The following SPATA13 variants were observed in gnomAD, a reference collection of about 807,000 sequenced individuals.
The protein encoded by SPATA13 is spermatogenesis-associated protein 13.
Under a neutral mutation model 104.0 loss-of-function variants are expected in SPATA13, and 50 were observed. That is an observed-to-expected ratio of 0.48 (90% CI 0.38 to 0.61). The LOEUF (loss-of-function observed/expected upper bound fraction) is 0.61, where lower values mean the gene tolerates loss of function less well. Ranked by LOEUF, SPATA13 falls within the 20% of genes least tolerant of loss-of-function variation. The pLI, the probability that SPATA13 is intolerant of heterozygous loss-of-function variation, is 0.00. For missense variants in SPATA13, 1,524 were observed against 1,690.6 expected (o/e 0.90, Z 1.73); for synonymous variants, 606 against 667.5 (o/e 0.91, Z 1.42).
intron 3 of SPATA13, among the ~76,000 whole-genome samples, chr13:24,105,825 GGT>G (rs1880428262): frequency 6.6e-6 from 1 of 152,006 alleles, no homozygotes; most frequent in Admixed American, 6.6e-5. Context: ...CCAATCAGCT[GGT>G]GTCTCTTAAG....
chr13:24,106,392 A>G (rs1880453986), intron 3 of SPATA13, among the ~76,000 whole-genome samples: 1 of 152,178 alleles, frequency 6.6e-6, no homozygotes. Flanking sequence ...TTAGAAACCA[A>G]AAGTTATTTT....
intron 1 of SPATA13, among the ~76,000 whole-genome samples, chr13:23,980,363 G>T (rs764996882): frequency 2.5e-4 from 38 of 152,328 alleles, no homozygotes; most frequent in Non-Finnish European, 4.1e-4. Flanking sequence ...AGCCGCGGGG[G>T]AGGCCGAAAT....
At chr13:24,032,486 G>A (rs192379237) in intron 3 of SPATA13, among the ~76,000 whole-genome samples, 2 of 152,282 alleles carry the variant, frequency 1.3e-5, no homozygotes, top group South Asian at 2.1e-4. Context: ...AATCAGTTCA[G>A]CTCTGTCTCT....
chr13:24,070,073 A>G (rs955247047), intron 3 of SPATA13, among the ~76,000 whole-genome samples: 1 of 152,224 alleles, frequency 6.6e-6, no homozygotes, highest in African/African-American at 2.4e-5. Flanking sequence ...AGCTCCAAGA[A>G]CATAGTTTAG....
intron 3 of SPATA13, among the ~76,000 whole-genome samples, chr13:24,040,898 A>G (rs1877898745): frequency 6.6e-6 from 1 of 152,216 alleles, no homozygotes; most frequent in South Asian, 2.1e-4. Context: ...TTAGAGCACC[A>G]CGAACTCAAA....
At chr13:24,212,253 A>G (rs1045615887) in intron 1 of SPATA13, among the ~76,000 whole-genome samples, 1 of 150,118 alleles carries the variant, frequency 6.7e-6, no homozygotes, top group Non-Finnish European at 1.5e-5. Context: ...AGCCCGCACC[A>G]GGCTGCACTC....
intron 2 of SPATA13, among the ~76,000 whole-genome samples, chr13:23,999,321 G>A (rs1875838547): frequency 8.0e-6 from 1 of 125,244 alleles, no homozygotes; most frequent in Admixed American, 9.5e-5. Context: ...GTCATTCTAG[G>A]CACTTTGCAT....
intron 7 of SPATA13, among the ~76,000 whole-genome samples, 200 bp from the exon 8 acceptor site, chr13:24,288,799 G>C (rs992080349): frequency 5.3e-5 from 8 of 152,196 alleles, no homozygotes; most frequent in African/African-American, 1.7e-4. Flanking sequence ...CCAACCGCAT[G>C]AGCCTTTTTG....
intron 1 of SPATA13, among the ~76,000 whole-genome samples, chr13:24,191,602 T>TCCC (rs1566142696): frequency 3.5e-5 from 5 of 143,562 alleles, no homozygotes; most frequent in Admixed American, 7.2e-5. Flanking sequence ...CTCTGCCACC[T>TCCC]GGGTTCACGC....
chr13:24,139,411 C>T (rs1320170657), intron 3 of SPATA13, among the ~76,000 whole-genome samples: 2 of 152,194 alleles, frequency 1.3e-5, no homozygotes, highest in Non-Finnish European at 2.9e-5. Context: ...AAAATACAAA[C>T]AGGACGTTCT....
chr13:24,082,776 C>T (rs2862247), intron 3 of SPATA13, among the ~76,000 whole-genome samples: 18,902 of 132,600 alleles, frequency 0.14, 1,283 homozygotes, highest in African/African-American at 0.15. Context: ...GCCGAGATTG[C>T]GCCACTGCAG....
Position 24,303,016 on chromosome 13 carries a change from A to G in SPATA13, c.*243A>G. 5.5e-6 allele frequency: 3 copies of G among 543,586 alleles called. No homozygotes were observed. The highest frequency in any genetic ancestry group is 9.9e-6 in the Non-Finnish European group (3 of 302,178). 33.7% of individuals were successfully genotyped at this position (543,586 alleles called of 1,614,324 possible). On this transcript the variant is annotated 3_prime_UTR_variant, in exon 13 of 13. Transcript: ENST00000382108. ...TACACAGAAACACCCGTGACCCACT[A>G]TGAGATGGCCCAGATGTGGGACCCG... is the stretch of plus-strand genomic sequence containing the variant.
At chr13:24,146,585 T>G (rs1881940129) in intron 3 of SPATA13, among the ~76,000 whole-genome samples, 1 of 152,168 alleles carries the variant, frequency 6.6e-6, no homozygotes, top group Non-Finnish European at 1.5e-5. Context: ...AAGTAGGCTA[T>G]AAATAACCTC....
intron 3 of SPATA13, among the ~76,000 whole-genome samples, chr13:24,137,936 T>G (rs558779395): frequency 2.6e-5 from 4 of 152,048 alleles, no homozygotes; most frequent in African/African-American, 9.7e-5. Flanking sequence ...TGATGACTGG[T>G]TGTTATTGTG....
chr13:24,294,901 C>T (rs1392436266), intron 10 of SPATA13, 33 bp downstream of exon 10: 1 of 1,586,098 alleles, frequency 6.3e-7, no homozygotes. Flanking sequence ...GATCCCATGC[C>T]ACTCGCCCTT....
intron 1 of SPATA13, among the ~76,000 whole-genome samples, chr13:24,199,123 A>G (rs1198605813): frequency 6.6e-6 from 1 of 152,076 alleles, no homozygotes. Flanking sequence ...TCCTGAGCTC[A>G]AGCGATCCGC....
chr13:24,112,416 A>G (rs1880671940), intron 3 of SPATA13, among the ~76,000 whole-genome samples: 1 of 152,086 alleles, frequency 6.6e-6, no homozygotes. Flanking sequence ...TTTATCTCCA[A>G]CCAGAACTTG....
At chr13:24,019,373 C>G (rs1028534912) in intron 3 of SPATA13, among the ~76,000 whole-genome samples, 4 of 152,080 alleles carry the variant, frequency 2.6e-5, no homozygotes, top group African/African-American at 9.7e-5. Flanking sequence ...CAGGCGTGAG[C>G]CACCACACCC....
chr13:24,116,254 C>T (rs1400493421), intron 3 of SPATA13, among the ~76,000 whole-genome samples: 3 of 152,212 alleles, frequency 2.0e-5, no homozygotes, highest in African/African-American at 7.2e-5. Context: ...TGTGTCCTCA[C>T]GTGATGGACA....
Sources: allele counts gnomAD v4.1 joint callset (sites outside exome capture counted in the v4.1 genomes callset), GRCh38; gene constraint gnomAD v4.1.1; transcripts MANE v1.5; gene names NCBI Gene and HGNC (gene_info 2026-07-23, HGNC 2026-07-21).